The following CLCN2 variants were observed in gnomAD, a reference collection of about 807,000 sequenced individuals.
CLCN2 encodes chloride voltage-gated channel 2, also known as chloride channel protein 2.
Under a neutral mutation model 108.3 loss-of-function variants are expected in CLCN2, and 72 were observed. That is an observed-to-expected ratio of 0.66 (90% confidence interval 0.55 to 0.81). The LOEUF (loss-of-function observed/expected upper bound fraction) is 0.81. Among genes scored for constraint, CLCN2 ranks in the 30% least tolerant of loss-of-function variants. The probability of loss-of-function intolerance (pLI) is 0.00; values close to 1 mark genes in which losing one functional copy is unlikely to be tolerated. For synonymous variants in CLCN2, 471 were observed against 467.1 expected (o/e 1.01, Z -0.11); for missense variants, 1,048 against 1,205.2 (o/e 0.87, Z 1.93).
At position 184,355,627 on chromosome 3, in the gene CLCN2, G is replaced by A; in HGVS notation, c.1170+67C>T. 6.3e-7 allele frequency: 1 copy of A among 1,598,692 alleles called. No individual in the cohort carries two copies. The highest frequency in any genetic ancestry group is 8.6e-7 in the Non-Finnish European group (1 of 1,166,038). On this transcript the variant is annotated intron_variant, in intron 11 of 23. Coordinates refer to ENST00000265593, the MANE Select transcript of CLCN2 (RefSeq NM_004366.6). The surrounding 1 kb of genome is among the most constrained non-coding windows in gnomAD (Gnocchi z 6.3). Reference sequence around the variant, plus strand: ...AACAAGGGGTCCCACAGTCACACTGGGGCTGTTGGCTTTGGAGGAATGCCT... The same window carrying A: ...AACAAGGGGTCCCACAGTCACACTGAGGCTGTTGGCTTTGGAGGAATGCCT...
intron 9 of CLCN2, 35 bp from the exon 10 acceptor site, chr3:184,357,129 C>T (rs1247882996): frequency 1.2e-6 from 2 of 1,609,654 alleles, no homozygotes; most frequent in African/African-American, 2.7e-5. Flanking sequence ...TGAAAAGGAG[C>T]CTTCTAGAAA....
chr3:184,359,331 G>C (rs879072314), intron 1 of CLCN2, among the ~76,000 whole-genome samples, 200 bp from the exon 2 acceptor site: 2 of 152,208 alleles, frequency 1.3e-5, no homozygotes, highest in Admixed American at 1.3e-4. Flanking sequence ...GAGTGATGGG[G>C]ACAGCCAAGG....
Position 184,361,519 on chromosome 3 carries a change from C to T in CLCN2, c.-40G>A, listed in dbSNP as rs751455268. ...CTCTCGCCTCCCTCGGCGGTTCCGGCTCTGTCCTGGACTCGGCTCCCGGCC... is the reference window on the plus strand; with the variant it reads ...CTCTCGCCTCCCTCGGCGGTTCCGGTTCTGTCCTGGACTCGGCTCCCGGCC... On this transcript the variant is annotated 5_prime_UTR_variant, in exon 1 of 24. Transcript: ENST00000265593. The surrounding 1 kb of genome is among the most constrained non-coding windows in gnomAD (Gnocchi z 6.6). 6.2e-7 allele frequency: 1 copy of T among 1,603,418 alleles called. No homozygotes were observed. Among genetic ancestry groups the T allele is most frequent in the Non-Finnish European group, 8.5e-7 (1 of 1,178,578 alleles).
chr3:184,346,839 T>G lies in CLCN2; in HGVS notation c.2503-39A>C, dbSNP rs2108552867. On this transcript the variant is annotated intron_variant, in intron 23 of 23. Coordinates refer to ENST00000265593, the MANE Select transcript of CLCN2 (RefSeq NM_004366.6). This position sits in a 1 kb window ranked among gnomAD's most constrained non-coding sequence, Gnocchi z 6.0. ...AGGGACAGATGTCTGGACCCAGATGTCAGACTCCTCCCCGCCTTCCTCCCC... is the reference window on the plus strand; with the variant it reads ...AGGGACAGATGTCTGGACCCAGATGGCAGACTCCTCCCCGCCTTCCTCCCC... 1 of 1,613,134 alleles carries G rather than the reference T, an allele frequency of 6.2e-7. No homozygotes were observed. The highest frequency in any genetic ancestry group is 1.3e-5 in the African/African-American group (1 of 74,998).
Position 184,357,685 on chromosome 3 carries a change from T to C in CLCN2, c.707A>G (p.Asn236Ser). The stretch of plus-strand genomic sequence containing the variant: ...ACAGGCGGCAGCCAGCATCTCTGTG[T>C]TCCGGGATTCATTCTGGCGAGAGTG... Reference protein sequence around the residue: ...FGGIYENESRNTEMLAAACAV... With the variant: ...FGGIYENESRSTEMLAAACAV... The change falls in exon 7 of 24, where the codon AAC (asparagine) becomes AGC (serine). Residue 236 changes from asparagine to serine, a missense_variant. Transcript: ENST00000265593. The C allele has an allele frequency of 6.2e-7, 1 of 1,614,090 alleles. No homozygotes were observed. Among genetic ancestry groups the C allele is most frequent in the African/African-American group, 1.3e-5 (1 of 75,060 alleles).
At position 184,355,805 on chromosome 3, in the gene CLCN2, G is replaced by C. The variant is rs367548836; in HGVS notation, c.1086-27C>G. ...TAGAGTCGTAGGTTTCACATCAGTC[G>C]TGGGTGGCCAAGGGCTGGGTGGCCT... On this transcript the variant is annotated intron_variant, in intron 10 of 23. Coordinates refer to ENST00000265593, the MANE Select transcript of CLCN2 (RefSeq NM_004366.6). The surrounding 1 kb of genome is among the most constrained non-coding windows in gnomAD (Gnocchi z 6.3). The C allele has an allele frequency of 1.9e-6, 3 of 1,605,462 alleles. No individual in the cohort carries two copies. The South Asian group carries it at 3.3e-5, about 18-fold the overall frequency.
In CLCN2 at chr3:184,357,602, C is replaced by A. The variant is rs1280512548; in HGVS notation, c.772+18G>T. On this transcript the variant is annotated intron_variant, in intron 7 of 23. Coordinates refer to ENST00000265593, the MANE Select transcript of CLCN2 (RefSeq NM_004366.6). Reference sequence around the variant, plus strand: ...GGGCAGGGTTGTGGGGCTGGACTGACCTAGGAGCCCTGCCTACCTCCAATA... The same window carrying A: ...GGGCAGGGTTGTGGGGCTGGACTGAACTAGGAGCCCTGCCTACCTCCAATA... 1 of 1,613,978 alleles carries A rather than the reference C, an allele frequency of 6.2e-7. No homozygotes were observed. Among genetic ancestry groups the A allele is most frequent in the Non-Finnish European group, 8.5e-7 (1 of 1,179,990 alleles).
At position 184,357,862 on chromosome 3, in the gene CLCN2, G is replaced by A; in HGVS notation, c.616-6C>T. On this transcript the variant is annotated splice_region_variant and splice_polypyrimidine_tract_variant and intron_variant, in intron 5 of 23. Coordinates refer to ENST00000265593, the MANE Select transcript of CLCN2 (RefSeq NM_004366.6). ...GCGATATGCACAAAAGGGCCCTGCG[G>A]GGTGGGGCAGGCGGTGAGTCGGGAG... 6.2e-7 allele frequency: 1 copy of A among 1,613,832 alleles called. No individual in the cohort carries two copies. Among genetic ancestry groups the A allele is most frequent in the South Asian group, 1.1e-5 (1 of 91,088 alleles).
chr3:184,353,967 C>T (rs1221195317), intron 15 of CLCN2, 134 bp downstream of exon 15: 16 of 1,358,172 alleles, frequency 1.2e-5, no homozygotes, highest in Non-Finnish European at 1.5e-5. Flanking sequence ...GCTACAGCCC[C>T]TCCAGAGTGT....
At position 184,346,601 on chromosome 3, in the gene CLCN2, G is replaced by T; in HGVS notation, c.*5C>A. 6.2e-7 allele frequency: 1 copy of T among 1,613,890 alleles called. No homozygotes were observed. Among genetic ancestry groups the T allele is most frequent in the Non-Finnish European group, 8.5e-7 (1 of 1,180,022 alleles). On this transcript the variant is annotated 3_prime_UTR_variant, in exon 24 of 24. Transcript: ENST00000265593. The surrounding 1 kb of genome is among the most constrained non-coding windows in gnomAD (Gnocchi z 6.0). ...TAGCACCATCCTAGGCCACCCACGA[G>T]GGGCTCATTGGCATTTGTCGTCGCT...
At chr3:184,347,751 C>A in intron 22 of CLCN2, 1 of 154,660 alleles carries the variant, frequency 6.5e-6, no homozygotes. Context: ...AGCAGCATCC[C>A]AAGTTCTGTT....
At position 184,357,254 on chromosome 3, in the gene CLCN2, G is replaced by C; in HGVS notation, c.911C>G (p.Ala304Gly). 1 of 1,614,008 alleles carries C rather than the reference G, an allele frequency of 6.2e-7. No homozygotes were observed. Among genetic ancestry groups the C allele is most frequent in the Non-Finnish European group, 8.5e-7 (1 of 1,180,022 alleles). The change falls in exon 9 of 24, where the codon GCC (alanine) becomes GGC (glycine). Residue 304 changes from alanine to glycine, a missense_variant. Transcript: ENST00000265593. ...GAGCCGGAATCGGGTTTTGAAGAGGGCTGTAATAGTCTCTAAAGGGAAGAA... is the reference window on the plus strand; with the variant it reads ...GAGCCGGAATCGGGTTTTGAAGAGGCCTGTAATAGTCTCTAAAGGGAAGAA... Reference protein sequence around the residue: ...VWNRDEETITALFKTRFRLDF... With the variant: ...VWNRDEETITGLFKTRFRLDF...
Position 184,355,645 on chromosome 3 carries a change from G to A in CLCN2, c.1170+49C>T. Reference sequence around the variant, plus strand: ...CACACTGGGGCTGTTGGCTTTGGAGGAATGCCTTCCAAGGGAAAGCACAAA... The same window carrying A: ...CACACTGGGGCTGTTGGCTTTGGAGAAATGCCTTCCAAGGGAAAGCACAAA... On this transcript the variant is annotated intron_variant, in intron 11 of 23. Coordinates refer to ENST00000265593, the MANE Select transcript of CLCN2 (RefSeq NM_004366.6). The surrounding 1 kb of genome is among the most constrained non-coding windows in gnomAD (Gnocchi z 6.3). 6.2e-7 allele frequency: 1 copy of A among 1,604,504 alleles called. No homozygotes were observed. The highest frequency in any genetic ancestry group is 8.5e-7 in the Non-Finnish European group (1 of 1,171,314).
At chr3:184,351,471 C>T (rs1044684350) in intron 22 of CLCN2, among the ~76,000 whole-genome samples, 1 of 152,192 alleles carries the variant, frequency 6.6e-6, no homozygotes, top group Non-Finnish European at 1.5e-5. Flanking sequence ...TTCCCGCGTC[C>T]GTACCAGTTT....
At chr3:184,358,511 C>G in intron 3 of CLCN2, 171 bp downstream of exon 3, 1 of 1,112,502 alleles carries the variant, frequency 9.0e-7, no homozygotes, top group Non-Finnish European at 1.3e-6. Flanking sequence ...ATGCAAGAAG[C>G]TGTGCCCTGT....
intron 22 of CLCN2, among the ~76,000 whole-genome samples, chr3:184,350,577 A>C (rs1313091682): frequency 1.3e-5 from 2 of 152,114 alleles, no homozygotes; most frequent in African/African-American, 2.4e-5. Flanking sequence ...CTGGGATTAC[A>C]GGTGCCTGCC....
chr3:184,357,396 G>T lies in CLCN2; in HGVS notation c.864C>A (p.Ile288=), dbSNP rs1728643183. 1 of 1,613,994 alleles carries T rather than the reference G, an allele frequency of 6.2e-7. No homozygotes were observed. Among genetic ancestry groups the T allele is most frequent in the African/African-American group, 1.3e-5 (1 of 74,944 alleles). The change falls in exon 8 of 24, where the codon ATC becomes ATA. Residue 288 remains isoleucine (I), a synonymous_variant. Coordinates refer to ENST00000265593, the MANE Select transcript of CLCN2 (RefSeq NM_004366.6). The part of the protein sequence containing the change: ...GFFAATFSAF[I]FRVLAVWNRD... Reference sequence around the variant, plus strand: ...GGTTCCAGACTGCCAAGACCCGGAAGATGAAGGCACTGAAGGTGGCAGCGA... The same window carrying T: ...GGTTCCAGACTGCCAAGACCCGGAATATGAAGGCACTGAAGGTGGCAGCGA...
intron 22 of CLCN2, among the ~76,000 whole-genome samples, chr3:184,350,857 T>C (rs963983440): frequency 3.3e-5 from 5 of 152,196 alleles, no homozygotes; most frequent in African/African-American, 1.2e-4. Context: ...GATTAAACAG[T>C]TGAAGAGCTT....
In CLCN2 at chr3:184,358,635, G is replaced by A. The variant is rs745450715; in HGVS notation, c.352+47C>T. 12 of 1,551,512 alleles carry A rather than the reference G, an allele frequency of 7.7e-6. 1 individual carries two copies. The Admixed American group carries it at 9.7e-5, about 13-fold the overall frequency. ...ATGTCTAGACGAGTGTGGCATGGAC[G>A]CAGGAGGTTTATTCCCAGTCCTCCC... On this transcript the variant is annotated intron_variant, in intron 3 of 23. Transcript: ENST00000265593.
Sources: allele counts gnomAD v4.1 joint callset (sites outside exome capture counted in the v4.1 genomes callset), GRCh38; gene constraint gnomAD v4.1.1; non-coding constraint Gnocchi (gnomAD v3.1); transcripts MANE v1.5; gene names NCBI Gene and HGNC (gene_info 2026-07-23, HGNC 2026-07-21).